The following BAAT variants were observed in gnomAD, a reference collection of about 807,000 sequenced individuals.
BAAT encodes the protein bile acid CoA: amino acid N-acyltransferase (glycine N-choloyltransferase).
Under a neutral mutation model 18.9 loss-of-function variants are expected in BAAT, and 13 were observed. That is an observed-to-expected ratio of 0.69 (90% CI 0.45 to 1.10). The LOEUF (loss-of-function observed/expected upper bound fraction) is 1.10. BAAT is among the 50% of genes least tolerant of loss of function. The pLI, the probability that BAAT is intolerant of heterozygous loss-of-function variation, is 0.00. For synonymous variants in BAAT, 170 were observed against 190.7 expected, an observed-to-expected ratio of 0.89 and a Z score of 0.89; for missense variants, 489 against 504.0, an observed-to-expected ratio of 0.97 and a Z score of 0.28.
chr9:101,375,743 G>A (rs1830030902), intron 1 of BAAT: 1 of 152,472 alleles, frequency 6.6e-6, no homozygotes, highest in Admixed American at 6.5e-5. Context: ...GGAGGAGCCT[G>A]GCCCCTCCTC....
chr9:101,368,238 C>A lies in BAAT; in HGVS notation c.551G>T (p.Arg184Leu). Residue 184 changes from arginine (R) to leucine (L), a missense_variant, in exon 3 of 4, where the codon CGT becomes CTT. Transcript: ENST00000259407. ...AGCCAAGGCCAAGGAGGCGAAGCCA[C>A]GACTGGCTAGGAGGCTGGCCCGAAA... ...LEFRASLLAS[R>L]GFASLALAYH... is the part of the protein sequence containing the mutation. 1 of 1,613,874 alleles carries A rather than the reference C, an allele frequency of 6.2e-7. No homozygotes were observed. Among genetic ancestry groups the A allele is most frequent in the Non-Finnish European group, 8.5e-7 (1 of 1,179,938 alleles).
At chr9:101,365,977 G>A (rs1401092675) in intron 3 of BAAT, among the ~76,000 whole-genome samples, 3 of 151,954 alleles carry the variant, frequency 2.0e-5, no homozygotes, top group Non-Finnish European at 2.9e-5. Context: ...ATTTCTTTGG[G>A]GTAAGAACAT....
chr9:101,371,835 C>A (rs62577878), intron 1 of BAAT, among the ~76,000 whole-genome samples: 1 of 152,006 alleles, frequency 6.6e-6, no homozygotes, highest in South Asian at 2.1e-4. Context: ...ATTTATTGAA[C>A]GTTTATATAT....
Position 101,362,872 on chromosome 9 carries a change from AT to A in BAAT, c.812del (p.His271LeufsTer14). On this transcript the variant is annotated frameshift_variant, in exon 4 of 4. Coordinates refer to ENST00000259407, the MANE Select transcript of BAAT (RefSeq NM_001701.4). LOFTEE classifies it low-confidence loss of function (END_TRUNC). Reference sequence around the variant, plus strand: ...GGGGAAGGGGCTGATGGATCTGACCATGATATACCTGTGGAATGCCAAAAGG... The same window carrying A: ...GGGGAAGGGGCTGATGGATCTGACCAGATATACCTGTGGAATGCCAAAAGG... ...NFPFGIPQVY[H>X]GQIHQPLPHS... 1 of 1,614,166 alleles carries A rather than the reference AT, an allele frequency of 6.2e-7. No individual in the cohort carries two copies. Among genetic ancestry groups the A allele is most frequent in the South Asian group, 1.1e-5 (1 of 91,074 alleles).
Position 101,360,970 on chromosome 9 carries a change from C to T in BAAT, c.*1458G>A, listed in dbSNP as rs59311341. 0.15 allele frequency: 25,342 copies of T among 166,802 alleles called. 2,130 individuals carry two copies. The highest frequency in any genetic ancestry group is 0.21 in the Middle Eastern group (267 of 1,258). 10.3% of individuals were successfully genotyped at this position (166,802 alleles called of 1,614,324 possible). ...TTGGTGCACAAGAAGGATAAAAATG[C>T]AAATGTATGGTATGTAAGATCATGT... On this transcript the variant is annotated 3_prime_UTR_variant, in exon 4 of 4. Transcript: ENST00000259407.
At chr9:101,374,363 A>G (rs1830004179) in intron 1 of BAAT, among the ~76,000 whole-genome samples, 2 of 152,058 alleles carry the variant, frequency 1.3e-5, no homozygotes, top group South Asian at 2.1e-4. Context: ...CAACATTTTA[A>G]GCTGAGACTA....
chr9:101,368,440 A>G, intron 2 of BAAT, 118 bp from the exon 3 acceptor site: 1 of 940,112 alleles, frequency 1.1e-6, no homozygotes, highest in Non-Finnish European at 1.6e-6. Context: ...ATAAATAAAT[A>G]AAAGATAATA....
intron 2 of BAAT, among the ~76,000 whole-genome samples, chr9:101,369,836 A>G (rs1829898947): frequency 6.6e-6 from 1 of 152,192 alleles, no homozygotes; most frequent in Non-Finnish European, 1.5e-5. Flanking sequence ...TGGCCCCACA[A>G]TAAACTCTGA....
In BAAT at chr9:101,362,300, C is replaced by A. The variant is rs1829740162; in HGVS notation, c.*128G>T. On this transcript the variant is annotated 3_prime_UTR_variant, in exon 4 of 4. Transcript: ENST00000259407. ...AAATATCAGGTTTTTACCCTATGCT[C>A]TTTTTAATCATTAAAATTAATACAA... 1.6e-5 allele frequency: 17 copies of A among 1,051,816 alleles called. No individual in the cohort carries two copies. The highest frequency in any genetic ancestry group is 3.0e-4 in the Middle Eastern group (1 of 3,382). The allele number at this position is 1,051,816 out of a possible 1,614,324, so 65.2% of individuals were successfully genotyped here.
In BAAT at chr9:101,362,480, A is replaced by T. The variant is rs778916116; in HGVS notation, c.1205T>A (p.Ile402Asn). 27 of 1,613,922 alleles carry T rather than the reference A, an allele frequency of 1.7e-5. No homozygotes were observed. The highest frequency in any genetic ancestry group is 2.1e-5 in the Non-Finnish European group (25 of 1,180,016). Residue 402 changes from isoleucine (I) to asparagine (N), a missense_variant, in exon 4 of 4, where the codon ATC becomes AAC. Ile to Asn is a moderately radical substitution (Grantham distance 149). Transcript: ENST00000259407. ...GAGGTGCTTCCTGAGAAATCTCTGGATCTCCTTCCAAGCATGTTCCTGTGC... is the reference window on the plus strand; with the variant it reads ...GAGGTGCTTCCTGAGAAATCTCTGGTTCTCCTTCCAAGCATGTTCCTGTGC... ...AAAQEHAWKE[I>N]QRFLRKHLIP... is the part of the protein sequence containing the mutation.
At chr9:101,384,666 G>T (rs1418978913) in intron 1 of BAAT, among the ~76,000 whole-genome samples, 189 bp downstream of exon 1, 2 of 152,148 alleles carry the variant, frequency 1.3e-5, no homozygotes, top group Non-Finnish European at 2.9e-5. Context: ...TAAACATAAT[G>T]TCGTTAGAAA....
chr9:101,366,541 G>T (rs1285385866), intron 3 of BAAT, among the ~76,000 whole-genome samples: 1 of 152,074 alleles, frequency 6.6e-6, no homozygotes, highest in Admixed American at 6.6e-5. Context: ...CTATCTATGT[G>T]ACACTGGCAA....
chr9:101,367,097 C>A (rs1380068454), intron 3 of BAAT, among the ~76,000 whole-genome samples: 4 of 117,724 alleles, frequency 3.4e-5, no homozygotes, highest in African/African-American at 1.4e-4. Context: ...GGTGACAGAG[C>A]GAGACTCTGT....
Position 101,371,477 on chromosome 9 carries a change from G to T in BAAT, c.-59-14C>A, listed in dbSNP as rs777417694. The T allele has an allele frequency of 2.4e-4, 339 of 1,411,868 alleles. 1 individual carries two copies. Among genetic ancestry groups the T allele is most frequent in the Non-Finnish European group, 3.1e-4 (322 of 1,022,458 alleles). The allele number at this position is 1,411,868 out of a possible 1,614,324, so 87.5% of individuals were successfully genotyped here. On this transcript the variant is annotated splice_polypyrimidine_tract_variant and intron_variant, in intron 1 of 3. Coordinates refer to ENST00000259407, the MANE Select transcript of BAAT (RefSeq NM_001701.4). Reference sequence around the variant, plus strand: ...AAACCTCAAAACCTCAAAAAAGAAAGAAAGAGGAGCAGTAAAATAAAGTAG... The same window carrying T: ...AAACCTCAAAACCTCAAAAAAGAAATAAAGAGGAGCAGTAAAATAAAGTAG...
intron 1 of BAAT, among the ~76,000 whole-genome samples, chr9:101,373,264 C>T (rs1466549943): frequency 3.3e-5 from 5 of 151,998 alleles, no homozygotes; most frequent in African/African-American, 1.2e-4. Context: ...GAGTACTTGG[C>T]CTATTTGTCC....
intron 1 of BAAT, among the ~76,000 whole-genome samples, chr9:101,372,700 T>C (rs1423679002): frequency 6.6e-6 from 1 of 150,388 alleles, no homozygotes; most frequent in Non-Finnish European, 1.5e-5. Context: ...AGAATCTACA[T>C]GAATTGAACT....
rs374063209 is a variant in BAAT at position 101,369,144 on chromosome 9, C to T, written c.467-822G>A. Among the ~76,000 whole-genome samples the T allele has an allele frequency of 2.8e-4, 43 of 152,164 alleles. No individual in the cohort carries two copies. The South Asian group carries it at 7.7e-3, about 27-fold the overall frequency. ...GAGCCCACACACTGAAAGAAACTTACGATGCACTTATTAGGGATATTCTAT... is the reference window on the plus strand; with the variant it reads ...GAGCCCACACACTGAAAGAAACTTATGATGCACTTATTAGGGATATTCTAT... On this transcript the variant is annotated intron_variant, in intron 2 of 3. Coordinates refer to ENST00000259407, the MANE Select transcript of BAAT (RefSeq NM_001701.4).
chr9:101,378,974 T>C (rs1181240857), intron 1 of BAAT, among the ~76,000 whole-genome samples: 3 of 152,016 alleles, frequency 2.0e-5, no homozygotes, highest in Admixed American at 6.6e-5. Context: ...CAAACATATT[T>C]AAAAAAAGCT....
At chr9:101,367,116 G>GAAAAAAAAAAAAAAAAAAAAAAAAAAAA (rs66591298) in intron 3 of BAAT, among the ~76,000 whole-genome samples, 3 of 99,672 alleles carry the variant, frequency 3.0e-5, no homozygotes, top group Non-Finnish European at 1.9e-5. Context: ...GTCAAAAAAA[G>GAAAAAAAAAAAAAAAAAAAAAAAAAAAA]AAAAAAAAAA....
Sources: allele counts gnomAD v4.1 joint callset (sites outside exome capture counted in the v4.1 genomes callset), GRCh38; gene constraint gnomAD v4.1.1; transcripts MANE v1.5; gene names NCBI Gene and HGNC (gene_info 2026-07-23, HGNC 2026-07-21).